The following PACSIN2 variants were observed in gnomAD, a reference collection of about 807,000 sequenced individuals.
PACSIN2 encodes protein kinase C and casein kinase substrate in neurons protein 2.
PACSIN2 carries 25 observed loss-of-function variants against 63.8 expected under a neutral mutation model. The observed-to-expected ratio is 0.39, with a 90% CI of 0.29 to 0.55. PACSIN2 has a LOEUF of 0.55. Among genes scored for constraint, PACSIN2 ranks in the 20% least tolerant of loss-of-function variants. PACSIN2 has a pLI of 0.62. For missense variants in PACSIN2, 518 were observed against 646.9 expected (o/e 0.80, Z 2.16); for synonymous variants, 255 against 256.2 (o/e 1.00, Z 0.05).
intron 1 of PACSIN2, among the ~76,000 whole-genome samples, chr22:42,926,644 G>T (rs939119426): frequency 1.3e-5 from 2 of 150,182 alleles, no homozygotes. Flanking sequence ...CACTCAACAT[G>T]ACAGACCAAG....
intron 1 of PACSIN2, among the ~76,000 whole-genome samples, chr22:43,005,922 G>A (rs907567643): frequency 3.3e-5 from 5 of 152,100 alleles, no homozygotes; most frequent in Non-Finnish European, 7.4e-5. Context: ...TAATTAGGCA[G>A]GGCCCTCATG....
intron 7 of PACSIN2, 147 bp from the exon 8 acceptor site, chr22:42,879,316 A>G (rs1928898752): frequency 2.5e-6 from 2 of 816,114 alleles, no homozygotes; most frequent in Admixed American, 5.8e-5. Context: ...CTGGTTTCCC[A>G]GAAGACCTCA....
At position 42,901,914 on chromosome 22, in the gene PACSIN2, G is replaced by A. The variant is rs150523620; in HGVS notation, c.61-8301C>T. ...TGGTTCAGCTCGGACCAGCTGGCTCGCCCCTGGCCCTTCCTCTCCGTGGTG... is the reference window on the plus strand; with the variant it reads ...TGGTTCAGCTCGGACCAGCTGGCTCACCCCTGGCCCTTCCTCTCCGTGGTG... On this transcript the variant is annotated intron_variant, in intron 2 of 10. Transcript: ENST00000263246. Among the ~76,000 whole-genome samples the A allele has an allele frequency of 1.7e-3, 253 of 152,274 alleles. 2 individuals are homozygous for A. The highest frequency in any genetic ancestry group is 5.8e-3 in the African/African-American group (241 of 41,546).
chr22:42,874,481 T>C (rs1376246006), intron 10 of PACSIN2, among the ~76,000 whole-genome samples: 1 of 152,236 alleles, frequency 6.6e-6, no homozygotes, highest in African/African-American at 2.4e-5. Context: ...GTGTGTGGGT[T>C]GGTGTGTGCA....
chr22:42,966,970 T>C (rs2267480), intron 1 of PACSIN2, among the ~76,000 whole-genome samples: 100,965 of 152,166 alleles, frequency 0.66, 35,384 homozygotes, highest in African/African-American at 0.88. Flanking sequence ...ATCTGACAAA[T>C]ATTTTTCAGC....
intron 2 of PACSIN2, among the ~76,000 whole-genome samples, chr22:42,910,478 A>G (rs1931377387): frequency 6.6e-6 from 1 of 152,156 alleles, no homozygotes; most frequent in Admixed American, 6.5e-5. Flanking sequence ...GCGGGACCTG[A>G]TTACTGTGAA....
rs1189976117 is a variant in PACSIN2, at chr22:42,871,479, A to G, written c.1349-10T>C. The G allele has an allele frequency of 1.3e-6, 2 of 1,598,358 alleles. No individual in the cohort carries two copies. Among genetic ancestry groups the G allele is most frequent in the Non-Finnish European group, 1.7e-6 (2 of 1,165,654 alleles). On this transcript the variant is annotated splice_polypyrimidine_tract_variant and intron_variant, in intron 10 of 10. Coordinates refer to ENST00000263246, the MANE Select transcript of PACSIN2 (RefSeq NM_001184970.3). The surrounding 1 kb of genome is among the most constrained non-coding windows in gnomAD (Gnocchi z 5.4). ...TTGGTCAGCTCATCCCCTGCAAGACAAAGAGGGAGCCGTCTCCATGAGAGG... is the reference window on the plus strand; with the variant it reads ...TTGGTCAGCTCATCCCCTGCAAGACGAAGAGGGAGCCGTCTCCATGAGAGG...
At chr22:42,929,044 T>C (rs1302757660) in intron 1 of PACSIN2, among the ~76,000 whole-genome samples, 1 of 152,234 alleles carries the variant, frequency 6.6e-6, no homozygotes, top group East Asian at 1.9e-4. Context: ...AAACGTGAAT[T>C]AAAGCCGAGT....
intron 10 of PACSIN2, among the ~76,000 whole-genome samples, chr22:42,873,879 C>T (rs927467628): frequency 1.3e-5 from 2 of 151,914 alleles, no homozygotes; most frequent in African/African-American, 2.4e-5. Flanking sequence ...CTGCAACCTC[C>T]ACCTCCCAGG....
chr22:42,904,614 C>G (rs9611962), intron 2 of PACSIN2, among the ~76,000 whole-genome samples: 1 of 152,194 alleles, frequency 6.6e-6, no homozygotes, highest in Non-Finnish European at 1.5e-5. Flanking sequence ...AGCCGATGAT[C>G]TAGTGGGGAA....
chr22:43,006,589 C>T (rs1259151986), intron 1 of PACSIN2, among the ~76,000 whole-genome samples: 1 of 152,048 alleles, frequency 6.6e-6, no homozygotes, highest in Non-Finnish European at 1.5e-5. Context: ...CAGAGGCAGG[C>T]GGGCCGTTTG....
chr22:42,934,812 C>T (rs563062405), intron 1 of PACSIN2, among the ~76,000 whole-genome samples: 2 of 152,236 alleles, frequency 1.3e-5, no homozygotes, highest in Admixed American at 6.5e-5. Flanking sequence ...GTGCCTATCA[C>T]GGTACCCACA....
chr22:42,876,421 C>T (rs1362745014), intron 9 of PACSIN2, 88 bp from the exon 10 acceptor site: 2 of 1,171,154 alleles, frequency 1.7e-6, no homozygotes, highest in African/African-American at 1.5e-5. Flanking sequence ...GCACTGGAGC[C>T]TTGGGGCTCA....
chr22:42,888,861 C>T, intron 4 of PACSIN2, 63 bp from the exon 5 acceptor site: 1 of 1,537,062 alleles, frequency 6.5e-7, no homozygotes, highest in Non-Finnish European at 9.0e-7. Context: ...CACTAGAAGT[C>T]ACACAGACCA....
chr22:42,914,137 C>G lies in PACSIN2; in HGVS notation c.-77-1980G>C, dbSNP rs532568271. Among the ~76,000 whole-genome samples the G allele has an allele frequency of 9.1e-4, 138 of 152,362 alleles. 2 individuals carry two copies. The highest frequency in any genetic ancestry group is 1.7e-3 in the Non-Finnish European group (118 of 68,042). ...AGGGGTTCTCCCACACTGGTTAGGGCTCTGCTCCATAATCATAGGGGCAGC... is the reference window on the plus strand; with the variant it reads ...AGGGGTTCTCCCACACTGGTTAGGGGTCTGCTCCATAATCATAGGGGCAGC... On this transcript the variant is annotated intron_variant, in intron 1 of 10. Transcript: ENST00000263246.
intron 1 of PACSIN2, among the ~76,000 whole-genome samples, chr22:42,936,672 A>T: frequency 6.6e-6 from 1 of 152,196 alleles, no homozygotes; most frequent in Admixed American, 6.5e-5. Context: ...GCACTTTGGA[A>T]GGTCCAACTG....
At chr22:42,958,277 G>A (rs894872744) in intron 1 of PACSIN2, among the ~76,000 whole-genome samples, 1 of 151,834 alleles carries the variant, frequency 6.6e-6, no homozygotes, top group Non-Finnish European at 1.5e-5. Context: ...TTGGTAAAGT[G>A]AGGATCCTGG....
chr22:42,882,014 C>A (rs143492651), intron 7 of PACSIN2, among the ~76,000 whole-genome samples, 170 bp downstream of exon 7: 1 of 152,256 alleles, frequency 6.6e-6, no homozygotes, highest in East Asian at 1.9e-4. Flanking sequence ...TGCAGCCCCC[C>A]AGGACTCTAT....
chr22:42,934,946 C>T (rs778898373), intron 1 of PACSIN2, among the ~76,000 whole-genome samples: 18 of 151,358 alleles, frequency 1.2e-4, no homozygotes, highest in African/African-American at 3.4e-4. Flanking sequence ...GACAGAGTTT[C>T]GCTTTATCGC....
Sources: gnomAD v4.1 joint callset for allele counts (sites outside exome capture counted in the v4.1 genomes callset) on GRCh38, gnomAD v4.1.1 for gene constraint, Gnocchi (gnomAD v3.1) non-coding constraint, MANE v1.5 for transcripts, NCBI Gene and HGNC (gene_info 2026-07-23, HGNC 2026-07-21) for gene names.